DNAJC6: variants seen among roughly 807,000 people sequenced by gnomAD.
The protein encoded by DNAJC6 is DnaJ heat shock protein family (Hsp40) member C6, also known as auxilin.
DNAJC6 carries 34 observed loss-of-function variants against 110.0 expected under a neutral mutation model. The ratio of observed to expected loss-of-function variants is 0.31; its 90% CI spans 0.24 to 0.41. The LOEUF is 0.41. Among genes scored for constraint, DNAJC6 ranks in the 10% least tolerant of loss-of-function variants. The pLI is 1.00. For missense variants in DNAJC6, 1,031 were observed against 1,207.8 expected (o/e 0.85, Z 2.17); for synonymous variants, 406 against 437.2 (o/e 0.93, Z 0.89).
At chr1:65,383,684 A>G (rs1645844099) in intron 5 of DNAJC6, among the ~76,000 whole-genome samples, 1 of 152,224 alleles carries the variant, frequency 6.6e-6, no homozygotes, top group Admixed American at 6.5e-5. Flanking sequence ...GGATTTCAGC[A>G]TATGAATTCT....
chr1:65,290,234 T>C (rs1347682814), intron 1 of DNAJC6, among the ~76,000 whole-genome samples: 2 of 152,248 alleles, frequency 1.3e-5, no homozygotes, highest in Non-Finnish European at 2.9e-5. Flanking sequence ...TTGTACTGAT[T>C]TGTAGATTTT....
intron 7 of DNAJC6, 82 bp downstream of exon 7, chr1:65,385,988 C>T (rs544847703): frequency 3.1e-6 from 4 of 1,301,986 alleles, no homozygotes; most frequent in South Asian, 3.2e-5. Context: ...TCATATTCTT[C>T]CTGCAAGACT....
chr1:65,411,632 T>TAC (rs1156970372), intron 18 of DNAJC6, among the ~76,000 whole-genome samples: 1 of 152,130 alleles, frequency 6.6e-6, no homozygotes, highest in Non-Finnish European at 1.5e-5. Context: ...GGGGCTTATT[T>TAC]AGAGAGAGTA....
At chr1:65,275,061 G>T (rs1653625167) in intron 1 of DNAJC6, among the ~76,000 whole-genome samples, 1 of 151,984 alleles carries the variant, frequency 6.6e-6, no homozygotes, top group African/African-American at 2.4e-5. Context: ...TATTATTATT[G>T]TATTTTGTTT....
intron 1 of DNAJC6, among the ~76,000 whole-genome samples, chr1:65,284,914 CT>C (rs1653967649): frequency 1.3e-5 from 2 of 152,112 alleles, no homozygotes; most frequent in African/African-American, 4.8e-5. Flanking sequence ...TCTCGAACTC[CT>C]GACCTCAGGT....
chr1:65,372,148 T>G lies in DNAJC6; in HGVS notation c.543+5952T>G, dbSNP rs574432519. 2.8e-3 allele frequency among the ~76,000 whole-genome samples: 102 copies of G among 36,692 alleles called. 1 individual carries two copies. In the East Asian group the frequency reaches 0.071, roughly 25 times the overall value. The allele number at this position is 36,692 out of a possible 152,430, so 24.1% of individuals were successfully genotyped here. On this transcript the variant is annotated intron_variant, in intron 4 of 18. Transcript: ENST00000371069. The stretch of plus-strand genomic sequence containing the variant: ...TCATTACAGATATTGACATTTGGGG[T>G]GTGTGTGTGTGTGTGTGTGTGTGTG...
At chr1:65,311,449 TCCTGACCTCAGGTGATCTG>T (rs1263713805) in intron 1 of DNAJC6, among the ~76,000 whole-genome samples, 1 of 152,192 alleles carries the variant, frequency 6.6e-6, no homozygotes, top group Non-Finnish European at 1.5e-5. Context: ...GGTCTTGAAC[TCCTGACCTCAGGTGATCTG>T]CCTGCCTCGG....
intron 1 of DNAJC6, among the ~76,000 whole-genome samples, chr1:65,330,564 G>A (rs766019998): frequency 4.3e-4 from 66 of 152,236 alleles, no homozygotes; most frequent in Non-Finnish European, 8.8e-4. Context: ...CGCCTCCTGG[G>A]TTCAAGCCAT....
Position 65,412,868 on chromosome 1 carries a change from A to G in DNAJC6, c.2812-56A>G, listed in dbSNP as rs186665064. The stretch of plus-strand genomic sequence containing the variant: ...CCATATATTGGCAGTGAAAAATTTA[A>G]TATTAATGAAATTTTGGTCTGTGGT... On this transcript the variant is annotated intron_variant, in intron 18 of 18. Transcript: ENST00000371069. The G allele has an allele frequency of 4.2e-6, 6 of 1,424,406 alleles. No homozygotes were observed. The Admixed American group carries it at 1.2e-4, about 28-fold the overall frequency. The allele number at this position is 1,424,406 out of a possible 1,614,324, so 88.2% of individuals were successfully genotyped here.
chr1:65,335,918 TG>T (rs1274869152), intron 1 of DNAJC6, among the ~76,000 whole-genome samples: 1 of 152,098 alleles, frequency 6.6e-6, no homozygotes. Flanking sequence ...GAGACAGCAG[TG>T]AAGAAGATAT....
In DNAJC6 at chr1:65,312,722, T is replaced by C. The variant is rs138268173; in HGVS notation, c.193+2784T>C. ...TTTCCCCAGAATTTTATTAAATAGG[T>C]TGGGGAAGCAGCATGTGTCTGTGCT... On this transcript the variant is annotated intron_variant, in intron 1 of 18. Transcript: ENST00000371069. Among the ~76,000 whole-genome samples the C allele has an allele frequency of 5.3e-5, 8 of 152,342 alleles. No homozygotes were observed. The East Asian group carries it at 1.5e-3, about 29-fold the overall frequency.
intron 5 of DNAJC6, among the ~76,000 whole-genome samples, chr1:65,381,313 T>C (rs11208640): frequency 0.67 from 101,838 of 151,636 alleles, 35,385 homozygotes; most frequent in African/African-American, 0.87. Flanking sequence ...TTTGGGAGAC[T>C]GAGGCAGGTG....
At chr1:65,379,326 G>A in intron 4 of DNAJC6, 76 bp from the exon 5 acceptor site, 5 of 1,567,138 alleles carry the variant, frequency 3.2e-6, no homozygotes, top group Non-Finnish European at 4.3e-6. Flanking sequence ...TCCAGAAGAT[G>A]TTGGTTGGTG....
chr1:65,284,597 G>A (rs913443246), intron 1 of DNAJC6, among the ~76,000 whole-genome samples: 1 of 152,058 alleles, frequency 6.6e-6, no homozygotes, highest in Non-Finnish European at 1.5e-5. Context: ...GCTGCCTCAG[G>A]GACCCTCTGG....
intron 1 of DNAJC6, among the ~76,000 whole-genome samples, chr1:65,311,226 T>TTTG (rs1645097492): frequency 7.4e-6 from 1 of 135,232 alleles, no homozygotes; most frequent in Non-Finnish European, 1.6e-5. Context: ...TTTTTTTTTT[T>TTTG]TTTTTTTTTT....
At chr1:65,330,470 GT>G (rs1645277954) in intron 1 of DNAJC6, among the ~76,000 whole-genome samples, 6 of 150,124 alleles carry the variant, frequency 4.0e-5, no homozygotes, top group African/African-American at 1.5e-4. Flanking sequence ...TTTTTTTTTT[GT>G]TTTGTTTTGT....
In DNAJC6 at chr1:65,309,648, T is replaced by A; in HGVS notation, c.-98T>A. ...TCTTTGCGTCATGTCGGGCACTTAA[T>A]TTTTTTTTTTTTTTAATTCCTTCTT... On this transcript the variant is annotated 5_prime_UTR_variant, in exon 1 of 19. Coordinates refer to ENST00000371069, the MANE Select transcript of DNAJC6 (RefSeq NM_001256864.2). The A allele has an allele frequency of 4.4e-6, 1 of 225,772 alleles. No homozygotes were observed. Among genetic ancestry groups the A allele is most frequent in the Non-Finnish European group, 7.7e-6 (1 of 130,378 alleles). The allele number at this position is 225,772 out of a possible 1,614,324, so 14.0% of individuals were successfully genotyped here.
chr1:65,269,207 AAAATACAG>A (rs1653428334), intron 1 of DNAJC6, among the ~76,000 whole-genome samples: 1 of 152,056 alleles, frequency 6.6e-6, no homozygotes, highest in Non-Finnish European at 1.5e-5. Context: ...CTCTCTACTA[AAAATACAG>A]AAATGAGCCG....
chr1:65,366,275 G>T, intron 4 of DNAJC6, 79 bp downstream of exon 4: 2 of 1,479,686 alleles, frequency 1.4e-6, no homozygotes. Context: ...CTTAAAGCAC[G>T]TGCCCTTAGG....
Sources: gnomAD v4.1 joint callset for allele counts (sites outside exome capture counted in the v4.1 genomes callset) on GRCh38, gnomAD v4.1.1 for gene constraint, MANE v1.5 for transcripts, NCBI Gene and HGNC (gene_info 2026-07-23, HGNC 2026-07-21) for gene names.